Variants in POC1A observed in about 807,000 individuals in gnomAD.
The protein encoded by POC1A is POC1 centriolar protein A, also known as POC1 centriolar protein homolog A.
Under a neutral mutation model 47.8 loss-of-function variants are expected in POC1A, and 34 were observed. The ratio of observed to expected loss-of-function variants is 0.71; its 90% confidence interval spans 0.54 to 0.95. POC1A has a LOEUF of 0.95. Ranked by LOEUF, POC1A falls within the 40% of genes least tolerant of loss-of-function variation. POC1A has a pLI of 0.00. For synonymous variants in POC1A, 177 were observed against 207.6 expected (o/e 0.85, Z 1.27); for missense variants, 466 against 528.3 (o/e 0.88, Z 1.16).
At chr3:52,086,541 C>T (rs754818087) in intron 10 of POC1A, among the ~76,000 whole-genome samples, 1 of 152,250 alleles carries the variant, frequency 6.6e-6, no homozygotes, top group Non-Finnish European at 1.5e-5. Context: ...CTGCCAACTC[C>T]AGCTTTGTCA....
intron 10 of POC1A, among the ~76,000 whole-genome samples, chr3:52,082,648 A>C (rs1166926654): frequency 6.6e-6 from 1 of 152,194 alleles, no homozygotes; most frequent in Non-Finnish European, 1.5e-5. Context: ...TCACAGTTCA[A>C]GACGTGTAAA....
intron 6 of POC1A, 83 bp from the exon 7 acceptor site, chr3:52,138,385 C>A: frequency 7.0e-7 from 1 of 1,434,416 alleles, no homozygotes; most frequent in Non-Finnish European, 9.6e-7. Flanking sequence ...CAGGGCCAAT[C>A]GAGGCTCAGC....
chr3:52,096,625 G>A lies in POC1A; in HGVS notation c.1069C>T (p.Gln357Ter). 6 of 1,612,862 alleles carry A rather than the reference G, an allele frequency of 3.7e-6. No homozygotes were observed. The highest frequency in any genetic ancestry group is 5.1e-6 in the Non-Finnish European group (6 of 1,179,454). ...TGCTCCAGCGTGCTAGTCAGTGTCTGGGGCACACTCACGGGCTCCTGGGGC... is the reference window on the plus strand; with the variant it reads ...TGCTCCAGCGTGCTAGTCAGTGTCTAGGGCACACTCACGGGCTCCTGGGGC... ...SQPQEPVSVP[Q>*]TLTSTLEHIV... Residue 357 changes from glutamine to a stop codon, truncating the protein, a stop_gained, in exon 10 of 11, where the codon CAG becomes TAG. Transcript: ENST00000296484. LOFTEE classifies it high-confidence loss of function.
At chr3:52,080,688 T>C (rs1702252159) in intron 10 of POC1A, among the ~76,000 whole-genome samples, 1 of 152,244 alleles carries the variant, frequency 6.6e-6, no homozygotes, top group African/African-American at 2.4e-5. Context: ...CACGAGAAGC[T>C]GCCCCAATCA....
chr3:52,154,379 G>T lies in POC1A; in HGVS notation c.-7C>A. The T allele has an allele frequency of 6.7e-7, 1 of 1,483,046 alleles. No homozygotes were observed. The highest frequency in any genetic ancestry group is 8.9e-7 in the Non-Finnish European group (1 of 1,123,038). 91.9% of individuals were successfully genotyped at this position (1,483,046 alleles called of 1,614,324 possible). On this transcript the variant is annotated 5_prime_UTR_variant, in exon 1 of 11. Coordinates refer to ENST00000296484, the MANE Select transcript of POC1A (RefSeq NM_015426.5). ...CCGCGCAGGGCGCAGCCATGGCGGG[G>T]CTGGCGGCGCCGAAGGCAGCTGCGG...
intron 9 of POC1A, among the ~76,000 whole-genome samples, chr3:52,097,976 G>A (rs1702878027): frequency 6.6e-6 from 1 of 152,248 alleles, no homozygotes; most frequent in African/African-American, 2.4e-5. Flanking sequence ...AGAGACTTCA[G>A]CCTACCACAG....
At chr3:52,118,063 C>T (rs373613795) in intron 9 of POC1A, among the ~76,000 whole-genome samples, 4 of 152,150 alleles carry the variant, frequency 2.6e-5, no homozygotes, top group Middle Eastern at 3.2e-3. Context: ...CTTGAAAACA[C>T]GAGCACGGGC....
At chr3:52,149,158 GCCC>G in intron 4 of POC1A, 49 bp downstream of exon 4, 3 of 1,555,704 alleles carry the variant, frequency 1.9e-6, no homozygotes, top group Non-Finnish European at 2.7e-6. Context: ...CCCTGGGCCA[GCCC>G]CCAACCCCCA....
chr3:52,083,331 CAG>C (rs899040049), intron 10 of POC1A, among the ~76,000 whole-genome samples: 1 of 152,114 alleles, frequency 6.6e-6, no homozygotes, highest in African/African-American at 2.4e-5. Context: ...CGTGGCGAAA[CAG>C]AGCAAACAAG....
intron 8 of POC1A, 23 bp from the exon 9 acceptor site, chr3:52,122,500 C>A (rs1173971262): frequency 7.1e-7 from 1 of 1,413,742 alleles, no homozygotes; most frequent in East Asian, 2.3e-5. Context: ...ACAGGCACAC[C>A]AAGTCAGGAG....
intron 10 of POC1A, among the ~76,000 whole-genome samples, chr3:52,093,211 G>T (rs184674468): frequency 6.6e-6 from 1 of 152,262 alleles, no homozygotes; most frequent in East Asian, 1.9e-4. Flanking sequence ...TATTCCAGTT[G>T]CCAGCTCCTC....
chr3:52,153,808 G>A (rs764739369), intron 1 of POC1A, among the ~76,000 whole-genome samples: 1 of 152,228 alleles, frequency 6.6e-6, no homozygotes, highest in African/African-American at 2.4e-5. Context: ...GGGCATCACA[G>A]GCTACCACCC....
intron 7 of POC1A, among the ~76,000 whole-genome samples, chr3:52,128,441 T>C (rs1704092284): frequency 6.6e-6 from 1 of 152,194 alleles, no homozygotes; most frequent in Non-Finnish European, 1.5e-5. Flanking sequence ...AGTGATAAGC[T>C]GTGTGGATCT....
chr3:52,076,085 C>T (rs1430479704), intron 10 of POC1A, 100 bp from the exon 11 acceptor site: 3 of 831,832 alleles, frequency 3.6e-6, no homozygotes, highest in Non-Finnish European at 6.2e-6. Flanking sequence ...CAGCCACTGC[C>T]CAAATGCCAG....
Position 52,096,577 on chromosome 3 carries a change from G to T in POC1A, c.1117C>A (p.Leu373Ile). 6.3e-7 allele frequency: 1 copy of T among 1,579,582 alleles called. No individual in the cohort carries two copies. Among genetic ancestry groups the T allele is most frequent in the South Asian group, 1.2e-5 (1 of 85,770 alleles). ...CCCACAGTGTGGCCTACCTGAGTGA[G>T]GACATCCAGCTGGCCCACAATGTGC... is the stretch of plus-strand genomic sequence containing the variant. ...LEHIVGQLDV[L>I]TQTVSILEQR... is the part of the protein sequence containing the mutation. The change falls in exon 10 of 11, where the codon CTC (leucine) becomes ATC (isoleucine). Residue 373 changes from leucine to isoleucine, a missense_variant. Leu to Ile is a conservative substitution (Grantham distance 5). Transcript: ENST00000296484.
chr3:52,153,790 G>A (rs1304161934), intron 1 of POC1A, among the ~76,000 whole-genome samples: 1 of 152,250 alleles, frequency 6.6e-6, no homozygotes, highest in African/African-American at 2.4e-5. Flanking sequence ...ATGTCCTCAA[G>A]TGCCTCAGGG....
Position 52,075,884 on chromosome 3 carries a change from T to G in POC1A, c.*3A>C, listed in dbSNP as rs1702099704. 1 of 1,609,584 alleles carries G rather than the reference T, an allele frequency of 6.2e-7. No homozygotes were observed. The highest frequency in any genetic ancestry group is 8.5e-7 in the Non-Finnish European group (1 of 1,176,052). ...ACCGAGCTCCTGATTCCTGCTCCCCTGATCATGGTGTTGCTCTCTGCATGA... is the reference window on the plus strand; with the variant it reads ...ACCGAGCTCCTGATTCCTGCTCCCCGGATCATGGTGTTGCTCTCTGCATGA... On this transcript the variant is annotated 3_prime_UTR_variant, in exon 11 of 11. Transcript: ENST00000296484.
At chr3:52,077,202 C>G (rs1434851873) in intron 10 of POC1A, among the ~76,000 whole-genome samples, 1 of 152,224 alleles carries the variant, frequency 6.6e-6, no homozygotes, top group Non-Finnish European at 1.5e-5. Flanking sequence ...TACTGTGCAG[C>G]CCATAGGCAT....
intron 6 of POC1A, among the ~76,000 whole-genome samples, chr3:52,144,111 C>T (rs1698288166): frequency 1.3e-5 from 2 of 152,224 alleles, no homozygotes; most frequent in Non-Finnish European, 2.9e-5. Context: ...AGGCCTATTG[C>T]CACCCCCTTT....
Sources: gnomAD v4.1 joint callset for allele counts (sites outside exome capture counted in the v4.1 genomes callset) on GRCh38, gnomAD v4.1.1 for gene constraint, MANE v1.5 for transcripts, NCBI Gene and HGNC (gene_info 2026-07-23, HGNC 2026-07-21) for gene names.